Variants in ELK3 observed in about 807,000 individuals in gnomAD.
ELK3 encodes the protein ETS domain-containing protein Elk-3.
In ELK3, 10 loss-of-function variants were observed where a neutral mutation model predicts 28.9. The ratio of observed to expected loss-of-function variants is 0.35; its 90% CI spans 0.21 to 0.59. ELK3 has a LOEUF of 0.59. Among genes scored for constraint, ELK3 ranks in the 20% least tolerant of loss-of-function variants. The probability of loss-of-function intolerance (pLI) is 0.82; values close to 1 mark genes in which losing one functional copy is unlikely to be tolerated. For missense variants in ELK3, 463 were observed against 517.3 expected (o/e 0.90, Z 1.02); for synonymous variants, 272 against 243.5 (o/e 1.12, Z -1.09).
chr12:96,200,748 C>T (rs1002599555), intron 1 of ELK3, among the ~76,000 whole-genome samples: 8 of 152,168 alleles, frequency 5.3e-5, no homozygotes, highest in South Asian at 2.1e-4. Context: ...CTGCAACCTC[C>T]GCCTCCTGTG....
intron 2 of ELK3, among the ~76,000 whole-genome samples, chr12:96,232,536 A>G (rs1951749479): frequency 6.6e-6 from 1 of 151,408 alleles, no homozygotes; most frequent in Non-Finnish European, 1.5e-5. Flanking sequence ...ACATCACTGC[A>G]CTGCAGCCTG....
intron 1 of ELK3, among the ~76,000 whole-genome samples, chr12:96,212,193 C>A (rs1214551977): frequency 1.3e-5 from 2 of 152,184 alleles, no homozygotes; most frequent in Non-Finnish European, 2.9e-5. Context: ...CAGTTTCCTG[C>A]CTGCAACCTG....
intron 2 of ELK3, 84 bp downstream of exon 2, chr12:96,223,857 G>A (rs908781543): frequency 4.9e-5 from 67 of 1,358,148 alleles, no homozygotes; most frequent in East Asian, 4.5e-4. Context: ...AAATAATAGC[G>A]TGCTATGAAT....
At chr12:96,240,572 A>G (rs1951813840) in intron 2 of ELK3, among the ~76,000 whole-genome samples, 1 of 152,066 alleles carries the variant, frequency 6.6e-6, no homozygotes, top group African/African-American at 2.4e-5. Flanking sequence ...TCAAGTGGGT[A>G]TTTATTGGAA....
chr12:96,225,988 C>T (rs1312368145), intron 2 of ELK3, among the ~76,000 whole-genome samples: 2 of 151,890 alleles, frequency 1.3e-5, no homozygotes, highest in South Asian at 2.1e-4. Context: ...AAAAATTAGC[C>T]GAGTGTGGAA....
Position 96,247,095 on chromosome 12 carries a change from C to T in ELK3, c.363C>T (p.Ala121=), listed in dbSNP as rs1033592762. ...DCKASPEGRE[A]HKHGLAALRS... ...AGGCGTCTCCGGAGGGCCGCGAGGC[C>T]CACAAACACGGCCTGGCCGCCCTCA... is the stretch of plus-strand genomic sequence containing the variant. Residue 121 remains alanine, a synonymous_variant, in exon 3 of 5, where the codon GCC becomes GCT. Transcript: ENST00000228741. The surrounding 1 kb of genome is among the most constrained non-coding windows in gnomAD (Gnocchi z 5.5). 36 of 1,613,598 alleles carry T rather than the reference C, an allele frequency of 2.2e-5. No individual in the cohort carries two copies. The highest frequency in any genetic ancestry group is 2.9e-5 in the Non-Finnish European group (34 of 1,179,926).
intron 3 of ELK3, among the ~76,000 whole-genome samples, chr12:96,254,886 G>A (rs969641882): frequency 5.3e-5 from 8 of 151,912 alleles, no homozygotes; most frequent in Admixed American, 3.3e-4. Context: ...GGAAGGCATC[G>A]TCGGCAGAGG....
intron 1 of ELK3, among the ~76,000 whole-genome samples, chr12:96,207,896 T>C (rs915505560): frequency 3.9e-5 from 6 of 152,242 alleles, no homozygotes; most frequent in African/African-American, 1.4e-4. Flanking sequence ...TTAACACTGA[T>C]TGTATCCTCT....
At chr12:96,224,504 T>C (rs1313226214) in intron 2 of ELK3, among the ~76,000 whole-genome samples, 1 of 152,242 alleles carries the variant, frequency 6.6e-6, no homozygotes, top group African/African-American at 2.4e-5. Flanking sequence ...TGCAACTTCA[T>C]GGGAAACTTC....
chr12:96,214,068 TATAAC>T (rs1193927130), intron 1 of ELK3, among the ~76,000 whole-genome samples: 6 of 152,174 alleles, frequency 3.9e-5, no homozygotes, highest in Admixed American at 3.3e-4. Context: ...TTGTGCTAGA[TATAAC>T]ATGTACAGGC....
intron 1 of ELK3, chr12:96,198,241 A>G (rs1951485019): frequency 6.6e-6 from 1 of 151,996 alleles, no homozygotes; most frequent in South Asian, 2.1e-4. Context: ...TCCTCATGAA[A>G]CTTTATTTTT....
Position 96,268,757 on chromosome 12 carries a change from A to T in ELK3, c.*1577A>T, listed in dbSNP as rs753241799. 13 of 152,234 alleles carry T rather than the reference A, an allele frequency of 8.5e-5. No individual in the cohort carries two copies. Among genetic ancestry groups the T allele is most frequent in the Non-Finnish European group, 1.9e-4 (13 of 68,020 alleles). 9.4% of individuals were successfully genotyped at this position (152,234 alleles called of 1,614,324 possible). A position where few individuals can be genotyped will look rare whatever the true frequency, so the allele number is the denominator to read the frequency against. On this transcript the variant is annotated 3_prime_UTR_variant, in exon 5 of 5. Transcript: ENST00000228741. ...CTTGAATTTTCAGAAAAAAATCTAG[A>T]CTATTGCTTTGACACTTAGAAATTC...
chr12:96,207,074 G>C (rs1951542562), intron 1 of ELK3, among the ~76,000 whole-genome samples: 1 of 152,150 alleles, frequency 6.6e-6, no homozygotes, highest in South Asian at 2.1e-4. Flanking sequence ...TACCCACCAG[G>C]AACACCAAGC....
At chr12:96,251,090 T>C (rs1240814932) in intron 3 of ELK3, among the ~76,000 whole-genome samples, 1 of 152,238 alleles carries the variant, frequency 6.6e-6, no homozygotes, top group Non-Finnish European at 1.5e-5. Flanking sequence ...AGCGCCAGTC[T>C]GTTCTTCCAA....
chr12:96,252,269 G>T (rs889779274), intron 3 of ELK3, among the ~76,000 whole-genome samples: 5 of 152,182 alleles, frequency 3.3e-5, no homozygotes, highest in African/African-American at 1.2e-4. Context: ...GGTTACCCAA[G>T]AGCTCTCATG....
At chr12:96,197,831 A>G (rs2136996561) in intron 1 of ELK3, among the ~76,000 whole-genome samples, 1 of 152,362 alleles carries the variant, frequency 6.6e-6, no homozygotes, top group East Asian at 1.9e-4. Context: ...AATATACAGT[A>G]CATGTAACTC....
At chr12:96,195,849 G>A (rs1951461305) in intron 1 of ELK3, among the ~76,000 whole-genome samples, 1 of 152,076 alleles carries the variant, frequency 6.6e-6, no homozygotes. Flanking sequence ...AGTTTCCTTT[G>A]TAGTGTTCGA....
chr12:96,265,335 T>C (rs1427603457), intron 4 of ELK3, among the ~76,000 whole-genome samples: 1 of 152,166 alleles, frequency 6.6e-6, no homozygotes, highest in African/African-American at 2.4e-5. Context: ...AAACTGATTC[T>C]CTTGAAAACA....
intron 1 of ELK3, among the ~76,000 whole-genome samples, chr12:96,197,206 A>G (rs1440310921): frequency 6.6e-6 from 1 of 152,186 alleles, no homozygotes; most frequent in Non-Finnish European, 1.5e-5. Context: ...ACATAGGTTC[A>G]TTTACGTTAG....
Sources: gnomAD v4.1 joint callset for allele counts (sites outside exome capture counted in the v4.1 genomes callset) on GRCh38, gnomAD v4.1.1 for gene constraint, Gnocchi (gnomAD v3.1) non-coding constraint, MANE v1.5 for transcripts, NCBI Gene and HGNC (gene_info 2026-07-23, HGNC 2026-07-21) for gene names.